Variants in SGCZ observed in about 807,000 individuals in gnomAD.
SGCZ encodes the protein sarcoglycan zeta.
Under a neutral mutation model 41.3 loss-of-function variants are expected in SGCZ, and 40 were observed. That is an observed-to-expected ratio of 0.97 (90% CI 0.75 to 1.26). The LOEUF is 1.26. SGCZ is among the 50% of genes most tolerant of loss of function. SGCZ has a pLI of 0.00. For synonymous variants in SGCZ, 206 were observed against 137.5 expected (o/e 1.50, Z -3.49); for missense variants, 552 against 369.8 (o/e 1.49, Z -4.04).
At chr8:15,169,398 G>C (rs1799763758) in intron 1 of SGCZ, among the ~76,000 whole-genome samples, 1 of 152,174 alleles carries the variant, frequency 6.6e-6, no homozygotes, top group African/African-American at 2.4e-5. Context: ...GATTCCAATA[G>C]CGGGTAGGAA....
At chr8:14,658,485 A>C (rs1457065559) in intron 1 of SGCZ, among the ~76,000 whole-genome samples, 1 of 152,100 alleles carries the variant, frequency 6.6e-6, no homozygotes, top group African/African-American at 2.4e-5. Flanking sequence ...CCAGATGATA[A>C]GATGCGCAGC....
intron 5 of SGCZ, among the ~76,000 whole-genome samples, chr8:14,127,440 T>G (rs1268795376): frequency 6.6e-6 from 1 of 152,082 alleles, no homozygotes; most frequent in Non-Finnish European, 1.5e-5. Flanking sequence ...TGTGATTTAT[T>G]TATTCATTTT....
At chr8:14,926,984 A>G (rs551555997) in intron 1 of SGCZ, among the ~76,000 whole-genome samples, 29 of 152,010 alleles carry the variant, frequency 1.9e-4, no homozygotes, top group African/African-American at 6.8e-4. Flanking sequence ...GTCTTTCCTT[A>G]CATTTCCAGA....
intron 3 of SGCZ, among the ~76,000 whole-genome samples, chr8:14,247,258 G>C (rs1799131211): frequency 6.6e-6 from 1 of 152,164 alleles, no homozygotes; most frequent in African/African-American, 2.4e-5. Context: ...CTATGACTTT[G>C]CATTGTCCTT....
intron 1 of SGCZ, among the ~76,000 whole-genome samples, chr8:14,569,082 A>G (rs1022475214): frequency 6.6e-6 from 1 of 152,142 alleles, no homozygotes; most frequent in African/African-American, 2.4e-5. Context: ...ATTTGAAAAC[A>G]TCTTTCATTC....
At chr8:14,941,623 G>C (rs1009317702) in intron 1 of SGCZ, among the ~76,000 whole-genome samples, 3 of 151,784 alleles carry the variant, frequency 2.0e-5, no homozygotes, top group African/African-American at 7.3e-5. Flanking sequence ...CTCCAATGCT[G>C]GATGTTAACT....
intron 4 of SGCZ, among the ~76,000 whole-genome samples, chr8:14,168,674 G>A (rs907802738): frequency 1.3e-5 from 2 of 152,106 alleles, no homozygotes; most frequent in African/African-American, 4.8e-5. Flanking sequence ...GCAGTCTCAG[G>A]TATGTCTTTA....
chr8:15,040,683 C>T (rs1051018200), intron 1 of SGCZ, among the ~76,000 whole-genome samples: 1 of 152,196 alleles, frequency 6.6e-6, no homozygotes, highest in Admixed American at 6.5e-5. Flanking sequence ...GTTGATCGTA[C>T]TGCTTTTATT....
At chr8:14,643,742 TC>T (rs1275376580) in intron 1 of SGCZ, among the ~76,000 whole-genome samples, 3 of 151,746 alleles carry the variant, frequency 2.0e-5, no homozygotes, top group African/African-American at 7.2e-5. Flanking sequence ...ACCAGGCCTG[TC>T]TTGCATAATA....
chr8:14,573,250 T>G (rs1040344522), intron 1 of SGCZ, among the ~76,000 whole-genome samples: 1 of 131,400 alleles, frequency 7.6e-6, no homozygotes, highest in African/African-American at 2.9e-5. Flanking sequence ...CAGGCTGGAG[T>G]GCAGTGGCGC....
At chr8:14,894,867 G>A (rs1193665608) in intron 1 of SGCZ, among the ~76,000 whole-genome samples, 2 of 152,040 alleles carry the variant, frequency 1.3e-5, no homozygotes, top group Non-Finnish European at 2.9e-5. Context: ...GTTTCTGCAG[G>A]AGACACAAAC....
intron 1 of SGCZ, among the ~76,000 whole-genome samples, chr8:15,075,692 A>G (rs1291163315): frequency 1.3e-5 from 2 of 152,186 alleles, no homozygotes; most frequent in African/African-American, 4.8e-5. Flanking sequence ...AGGCACTAAC[A>G]TAAGCTACTT....
intron 1 of SGCZ, among the ~76,000 whole-genome samples, chr8:14,724,912 C>T (rs898415929): frequency 6.6e-6 from 1 of 152,048 alleles, no homozygotes; most frequent in African/African-American, 2.4e-5. Flanking sequence ...ACCATAGTCG[C>T]CCTATAGTGC....
chr8:14,686,441 G>A (rs938340295), intron 1 of SGCZ, among the ~76,000 whole-genome samples: 2 of 152,086 alleles, frequency 1.3e-5, no homozygotes, highest in Non-Finnish European at 2.9e-5. Flanking sequence ...TAATTCAACT[G>A]AGATATAAGA....
chr8:15,057,954 A>C (rs147641768), intron 1 of SGCZ, among the ~76,000 whole-genome samples: 63 of 152,342 alleles, frequency 4.1e-4, no homozygotes, highest in African/African-American at 1.5e-3. Context: ...GCCATAAGAC[A>C]CCTGAGCTTA....
At chr8:14,233,241 C>G (rs1485439770) in intron 4 of SGCZ, among the ~76,000 whole-genome samples, 1 of 151,872 alleles carries the variant, frequency 6.6e-6, no homozygotes, top group Non-Finnish European at 1.5e-5. Context: ...TAGTTTTTAG[C>G]TATTACTTCA....
At chr8:15,209,304 G>C (rs1411094402) in intron 1 of SGCZ, among the ~76,000 whole-genome samples, 1 of 152,038 alleles carries the variant, frequency 6.6e-6, no homozygotes, top group Non-Finnish European at 1.5e-5. Flanking sequence ...CGTTAGAAGA[G>C]AATTCTCTTG....
At chr8:14,285,811 G>C (rs1261873851) in intron 3 of SGCZ, among the ~76,000 whole-genome samples, 2 of 152,082 alleles carry the variant, frequency 1.3e-5, no homozygotes, top group Non-Finnish European at 2.9e-5. Context: ...TATCAGTAAA[G>C]AGTGGAGAGA....
chr8:14,517,948 C>T (rs1414755177), intron 2 of SGCZ, among the ~76,000 whole-genome samples: 1 of 151,642 alleles, frequency 6.6e-6, no homozygotes, highest in Non-Finnish European at 1.5e-5. Context: ...TTTAAATAAA[C>T]ATTTCTATGA....
Sources: allele counts gnomAD v4.1 joint callset (sites outside exome capture counted in the v4.1 genomes callset), GRCh38; gene constraint gnomAD v4.1.1; transcripts MANE v1.5; gene names NCBI Gene and HGNC (gene_info 2026-07-23, HGNC 2026-07-21).